The following FOXP2 variants were observed in gnomAD, a reference collection of about 807,000 sequenced individuals.
FOXP2 encodes the protein forkhead box P2.
A neutral mutation model predicts 115.8 loss-of-function variants in FOXP2; 12 were observed. The ratio of observed to expected loss-of-function variants is 0.10; its 90% CI spans 0.07 to 0.17. The LOEUF is 0.17. Ranked by LOEUF, FOXP2 falls within the 10% of genes least tolerant of loss-of-function variation. The pLI is 1.00. For missense variants in FOXP2, 629 were observed against 843.5 expected (o/e 0.75, Z 3.15); for synonymous variants, 328 against 297.7 (o/e 1.10, Z -1.05).
At chr7:114,330,159 T>C (rs1002750070) in intron 2 of FOXP2, among the ~76,000 whole-genome samples, 1 of 152,200 alleles carries the variant, frequency 6.6e-6, no homozygotes, top group African/African-American at 2.4e-5. Flanking sequence ...TATGTCATGC[T>C]GTTTATGCTT....
At chr7:114,688,208 TACACACACACACACACACACACAC>T (rs56751704) in intron 16 of FOXP2, among the ~76,000 whole-genome samples, 3 of 115,334 alleles carry the variant, frequency 2.6e-5, no homozygotes, top group East Asian at 5.4e-4. Context: ...CATACATGCA[TACACACACACACACACACACACAC>T]ACACACACAC....
chr7:114,570,502 G>A lies in FOXP2; in HGVS notation c.258+35796G>A, dbSNP rs183306044. Reference sequence around the variant, plus strand: ...CATTTAAATATATAGGAGTATTTATGATTCTTAGCTTACAAGTGGGAAGTA... The same window carrying A: ...CATTTAAATATATAGGAGTATTTATAATTCTTAGCTTACAAGTGGGAAGTA... On this transcript the variant is annotated intron_variant, in intron 3 of 16. Coordinates refer to ENST00000350908, the MANE Select transcript of FOXP2 (RefSeq NM_014491.4). Among the ~76,000 whole-genome samples, 10 of 151,916 alleles carry A rather than the reference G, an allele frequency of 6.6e-5. No homozygotes were observed. In the East Asian group the frequency reaches 1.9e-3, roughly 29 times the overall value.
chr7:114,678,172 T>C (rs909895754), intron 16 of FOXP2, among the ~76,000 whole-genome samples: 10 of 152,198 alleles, frequency 6.6e-5, no homozygotes, highest in Admixed American at 3.9e-4. Flanking sequence ...GACTTTTTTT[T>C]CCTAAAAAAT....
intron 6 of FOXP2, among the ~76,000 whole-genome samples, chr7:114,634,308 A>G (rs1428748483): frequency 6.6e-6 from 1 of 152,046 alleles, no homozygotes; most frequent in Non-Finnish European, 1.5e-5. Context: ...AAACTATGTC[A>G]TATTTTATTT....
intron 2 of FOXP2, among the ~76,000 whole-genome samples, chr7:114,363,866 A>T (rs1320117935): frequency 1.3e-5 from 2 of 152,148 alleles, no homozygotes; most frequent in Non-Finnish European, 2.9e-5. Context: ...GAGCAAACTT[A>T]TCATTGTTAA....
intron 16 of FOXP2, among the ~76,000 whole-genome samples, chr7:114,686,983 G>C (rs921322096): frequency 5.3e-5 from 8 of 152,088 alleles, no homozygotes; most frequent in African/African-American, 1.7e-4. Context: ...TATTGAATGA[G>C]TTTTAAAGTG....
At chr7:114,099,506 A>T (rs1158950498) in intron 1 of FOXP2, among the ~76,000 whole-genome samples, 1 of 152,204 alleles carries the variant, frequency 6.6e-6, no homozygotes, top group Non-Finnish European at 1.5e-5. Flanking sequence ...TATGACCCAC[A>T]AATCCCTCTT....
At chr7:114,186,816 G>T (rs1793619310) in intron 1 of FOXP2, among the ~76,000 whole-genome samples, 1 of 152,194 alleles carries the variant, frequency 6.6e-6, no homozygotes. Flanking sequence ...ACACTGCCAA[G>T]GTTTATCGTT....
chr7:114,412,032 A>T (rs1793175552), upstream of FOXP2, among the ~76,000 whole-genome samples: 1 of 152,116 alleles, frequency 6.6e-6, no homozygotes, highest in African/African-American at 2.4e-5. Flanking sequence ...GTACAAAATT[A>T]CCAGTGTTAT....
chr7:114,626,374 A>G (rs1307132226), intron 3 of FOXP2, among the ~76,000 whole-genome samples: 1 of 151,798 alleles, frequency 6.6e-6, no homozygotes, highest in Non-Finnish European at 1.5e-5. Flanking sequence ...AACTTTCCCC[A>G]TAAAGTTCAC....
At chr7:114,529,119 G>A (rs1223394783) in intron 2 of FOXP2, among the ~76,000 whole-genome samples, 1 of 151,814 alleles carries the variant, frequency 6.6e-6, no homozygotes, top group Non-Finnish European at 1.5e-5. Flanking sequence ...AGGAATATCA[G>A]GCTACTTGAT....
chr7:114,552,457 T>C (rs928196443), intron 3 of FOXP2, among the ~76,000 whole-genome samples: 17 of 152,164 alleles, frequency 1.1e-4, no homozygotes, highest in Non-Finnish European at 2.1e-4. Context: ...AGTAAAAGAG[T>C]ATACCTTCTC....
intron 2 of FOXP2, among the ~76,000 whole-genome samples, chr7:114,512,712 G>A (rs952287258): frequency 1.3e-5 from 2 of 152,130 alleles, no homozygotes; most frequent in African/African-American, 4.8e-5. Flanking sequence ...TTGTTTTTAT[G>A]CATACACTTT....
chr7:114,645,879 C>G (rs1038614268), intron 8 of FOXP2: 1 of 151,860 alleles, frequency 6.6e-6, no homozygotes, highest in Non-Finnish European at 1.5e-5. Flanking sequence ...TCATTTCTAA[C>G]TAATTAAGAG....
intron 2 of FOXP2, among the ~76,000 whole-genome samples, chr7:114,408,145 G>A (rs1793078292): frequency 6.6e-6 from 1 of 151,858 alleles, no homozygotes; most frequent in African/African-American, 2.4e-5. Flanking sequence ...CTCACATTTT[G>A]GCATCAAGTT....
At chr7:114,615,373 A>G (rs1278693892) in intron 3 of FOXP2, among the ~76,000 whole-genome samples, 2 of 152,152 alleles carry the variant, frequency 1.3e-5, no homozygotes, top group East Asian at 1.9e-4. Context: ...TAAATCTACA[A>G]TATGACTTCT....
Position 114,629,897 on chromosome 7 carries a change from G to A in FOXP2, c.489G>A (p.Gln163=), listed in dbSNP as rs911345771. The stretch of plus-strand genomic sequence containing the variant: ...AGCAACAGCAGCAGCAGCAACAACA[G>A]CAGCAACAACAGCAGCAGCAACAAC... ...QQQQQQQQQQ[Q]QQQQQQQQQQ... Residue 163 remains glutamine, a synonymous_variant, in exon 5 of 17, where the codon CAG becomes CAA. Transcript: ENST00000350908. 1 of 1,605,464 alleles carries A rather than the reference G, an allele frequency of 6.2e-7. No individual in the cohort carries two copies. Among genetic ancestry groups the A allele is most frequent in the Non-Finnish European group, 8.5e-7 (1 of 1,177,360 alleles).
At chr7:114,484,903 A>T (rs564306594) in intron 2 of FOXP2, among the ~76,000 whole-genome samples, 21 of 152,042 alleles carry the variant, frequency 1.4e-4, no homozygotes, top group East Asian at 3.9e-4. Context: ...CAGTTTTTTT[A>T]AAATTGGTAT....
At chr7:114,558,352 T>A (rs575725478) in intron 3 of FOXP2, among the ~76,000 whole-genome samples, 1 of 152,340 alleles carries the variant, frequency 6.6e-6, no homozygotes, top group Admixed American at 6.5e-5. Flanking sequence ...GGACTCCAGA[T>A]ATGTCAGAAA....
Sources: allele counts gnomAD v4.1 joint callset (sites outside exome capture counted in the v4.1 genomes callset), GRCh38; gene constraint gnomAD v4.1.1; transcripts MANE v1.5; gene names NCBI Gene and HGNC (gene_info 2026-07-23, HGNC 2026-07-21).